ZFYVE28: variants seen among roughly 807,000 people sequenced by gnomAD.
ZFYVE28 encodes the protein lateral signaling target protein 2 homolog.
ZFYVE28 carries 40 observed loss-of-function variants against 82.1 expected under a neutral mutation model. That is an observed-to-expected ratio of 0.49 (90% CI 0.38 to 0.63). The LOEUF (loss-of-function observed/expected upper bound fraction) is 0.63, where lower values mean the gene tolerates loss of function less well. Among genes scored for constraint, ZFYVE28 ranks in the 30% least tolerant of loss-of-function variants. ZFYVE28 has a pLI of 0.00. For missense variants in ZFYVE28, 1,321 were observed against 1,242.1 expected (o/e 1.06, Z -0.96); for synonymous variants, 612 against 546.1 (o/e 1.12, Z -1.68).
At chr4:2,403,127 G>T (rs1578400301) in intron 1 of ZFYVE28, among the ~76,000 whole-genome samples, 1 of 152,258 alleles carries the variant, frequency 6.6e-6, no homozygotes, top group Non-Finnish European at 1.5e-5. Flanking sequence ...CTGGGCTGTG[G>T]CCCAAGCCTG....
intron 7 of ZFYVE28, among the ~76,000 whole-genome samples, chr4:2,309,567 G>T (rs975141454): frequency 6.7e-6 from 1 of 149,014 alleles, no homozygotes; most frequent in African/African-American, 2.5e-5. Context: ...ACTTGATCAC[G>T]TTATCTACAT....
At chr4:2,333,574 G>A (rs1721078637) in intron 6 of ZFYVE28, among the ~76,000 whole-genome samples, 1 of 152,098 alleles carries the variant, frequency 6.6e-6, no homozygotes. Context: ...GCACACTCCA[G>A]GCCCGACCTT....
At chr4:2,278,077 G>T (rs1325517012) in intron 8 of ZFYVE28, among the ~76,000 whole-genome samples, 1 of 152,214 alleles carries the variant, frequency 6.6e-6, no homozygotes, top group Non-Finnish European at 1.5e-5. Context: ...GGAAAGAATA[G>T]TCTTTTCAAC....
chr4:2,271,250 G>A (rs910851183), intron 12 of ZFYVE28, 61 bp downstream of exon 12: 2 of 1,532,568 alleles, frequency 1.3e-6, no homozygotes, highest in Non-Finnish European at 1.8e-6. Context: ...CCAGACCTCA[G>A]GCTCTGTCCG....
intron 1 of ZFYVE28, among the ~76,000 whole-genome samples, chr4:2,373,705 G>A (rs755630430): frequency 5.5e-4 from 84 of 152,262 alleles, no homozygotes; most frequent in South Asian, 1.2e-3. Flanking sequence ...TGCCCTGGCA[G>A]AATCTCCGTT....
At chr4:2,415,987 G>A (rs1168282619) in intron 1 of ZFYVE28, among the ~76,000 whole-genome samples, 3 of 152,182 alleles carry the variant, frequency 2.0e-5, no homozygotes, top group South Asian at 4.1e-4. Flanking sequence ...GCTACTACCA[G>A]ACAGCATGCC....
At chr4:2,328,848 T>A in intron 6 of ZFYVE28, 1 of 354,076 alleles carries the variant, frequency 2.8e-6, no homozygotes. Flanking sequence ...CATGTGGTTA[T>A]CCAGTTGCTC....
chr4:2,282,253 G>C (rs903796153), intron 8 of ZFYVE28, among the ~76,000 whole-genome samples: 14 of 152,234 alleles, frequency 9.2e-5, no homozygotes, highest in African/African-American at 3.4e-4. Flanking sequence ...CCCTGCAACA[G>C]CCCCACTTCG....
chr4:2,291,287 G>C (rs1380948472), intron 8 of ZFYVE28, among the ~76,000 whole-genome samples: 1 of 152,246 alleles, frequency 6.6e-6, no homozygotes, highest in Non-Finnish European at 1.5e-5. Flanking sequence ...TGGCTTTCGA[G>C]AAGGGGCTGT....
chr4:2,322,380 A>C (rs1000365386), intron 6 of ZFYVE28, among the ~76,000 whole-genome samples: 1 of 151,838 alleles, frequency 6.6e-6, no homozygotes, highest in African/African-American at 2.4e-5. Flanking sequence ...CCGACAGGCC[A>C]CCCAGGCCTG....
chr4:2,412,938 A>C (rs1421915368), intron 1 of ZFYVE28, among the ~76,000 whole-genome samples: 1 of 151,968 alleles, frequency 6.6e-6, no homozygotes, highest in Non-Finnish European at 1.5e-5. Flanking sequence ...GCTGAGTCCA[A>C]ATATCAATTA....
Position 2,335,192 on chromosome 4 carries a change from T to A in ZFYVE28, c.701+513A>T, listed in dbSNP as rs560929628. Reference sequence around the variant, plus strand: ...GGAAAGGTTCCACACAGGTATTCCATCAGCCAGACCAACTGCCCCCACCTG... The same window carrying A: ...GGAAAGGTTCCACACAGGTATTCCAACAGCCAGACCAACTGCCCCCACCTG... On this transcript the variant is annotated intron_variant, in intron 6 of 12. Coordinates refer to ENST00000290974, the MANE Select transcript of ZFYVE28 (RefSeq NM_020972.3). The surrounding 1 kb of genome is among the most constrained non-coding windows in gnomAD (Gnocchi z 5.8). Among the ~76,000 whole-genome samples the A allele has an allele frequency of 1.8e-4, 28 of 151,926 alleles. No individual in the cohort carries two copies. In the South Asian group the frequency reaches 5.8e-3, roughly 32 times the overall value.
At position 2,270,568 on chromosome 4, in the gene ZFYVE28, C is replaced by T. The variant is rs1002537321; in HGVS notation, c.*157G>A. On this transcript the variant is annotated 3_prime_UTR_variant, in exon 13 of 13. Transcript: ENST00000290974. The stretch of plus-strand genomic sequence containing the variant: ...CCCGGGGTCCCTGCAGGGAGGCTAG[C>T]GTGGGCAGGACAGAGGCTCTGGATG... 1.9e-5 allele frequency: 21 copies of T among 1,113,264 alleles called. No homozygotes were observed. The East Asian group carries it at 2.3e-4, about 12-fold the overall frequency. The allele number at this position is 1,113,264 out of a possible 1,614,324, so 69.0% of individuals were successfully genotyped here. A position where few individuals can be genotyped will look rare whatever the true frequency, so the allele number is the denominator to read the frequency against.
At chr4:2,301,606 A>G (rs1715532793) in intron 8 of ZFYVE28, among the ~76,000 whole-genome samples, 1 of 152,156 alleles carries the variant, frequency 6.6e-6, no homozygotes, top group South Asian at 2.1e-4. Flanking sequence ...CACGCCAGGA[A>G]GGTGGGAGGA....
chr4:2,346,530 A>G (rs958710640), intron 2 of ZFYVE28, among the ~76,000 whole-genome samples: 5 of 152,118 alleles, frequency 3.3e-5, no homozygotes, highest in Admixed American at 6.5e-5. Flanking sequence ...GACCGTTTAA[A>G]TGAAAAAAAT....
chr4:2,283,841 G>A (rs1712334863), intron 8 of ZFYVE28, among the ~76,000 whole-genome samples: 1 of 152,186 alleles, frequency 6.6e-6, no homozygotes, highest in Non-Finnish European at 1.5e-5. Context: ...GGAAGGCGCA[G>A]CATGAGGACA....
chr4:2,281,204 C>G (rs1711915689), intron 8 of ZFYVE28, among the ~76,000 whole-genome samples: 1 of 152,120 alleles, frequency 6.6e-6, no homozygotes, highest in South Asian at 2.1e-4. Flanking sequence ...TGAGGTACTG[C>G]CCAAGGGAAC....
intron 8 of ZFYVE28, among the ~76,000 whole-genome samples, chr4:2,276,455 C>T (rs1005218320): frequency 6.6e-6 from 1 of 152,200 alleles, no homozygotes; most frequent in Admixed American, 6.5e-5. Context: ...CCACTCGGTA[C>T]CCCCAGCCTC....
intron 8 of ZFYVE28, among the ~76,000 whole-genome samples, chr4:2,301,562 T>TTAA (rs1715526424): frequency 6.6e-6 from 1 of 152,122 alleles, no homozygotes. Flanking sequence ...TGAGGCCGCG[T>TTAA]TAAGAGGCTG....
Sources: allele counts gnomAD v4.1 joint callset (sites outside exome capture counted in the v4.1 genomes callset), GRCh38; gene constraint gnomAD v4.1.1; non-coding constraint Gnocchi (gnomAD v3.1); transcripts MANE v1.5; gene names NCBI Gene and HGNC (gene_info 2026-07-23, HGNC 2026-07-21).